WWOX: variants seen among roughly 807,000 people sequenced by gnomAD.
The protein encoded by WWOX is WW domain-containing oxidoreductase.
WWOX carries 69 observed loss-of-function variants against 46.2 expected under a neutral mutation model. The ratio of observed to expected loss-of-function variants is 1.49; its 90% CI spans 1.23 to 1.82. The LOEUF (loss-of-function observed/expected upper bound fraction) is 1.82. Among genes scored for constraint, WWOX ranks in the 40% most tolerant of loss-of-function variants. WWOX has a pLI of 0.00. For missense variants in WWOX, 919 were observed against 542.6 expected (o/e 1.69, Z -6.89); for synonymous variants, 359 against 202.6 (o/e 1.77, Z -6.56).
intron 8 of WWOX, among the ~76,000 whole-genome samples, chr16:78,848,543 G>T (rs13335801): frequency 6.6e-6 from 1 of 151,944 alleles, no homozygotes; most frequent in Non-Finnish European, 1.5e-5. Context: ...AGTCCTTTAT[G>T]TGGTGTTGCC....
chr16:78,302,582 A>G (rs369262416), intron 5 of WWOX, among the ~76,000 whole-genome samples: 10 of 152,316 alleles, frequency 6.6e-5, no homozygotes, highest in African/African-American at 2.4e-4. Flanking sequence ...GGTTTCATAT[A>G]AAAATATAGC....
chr16:78,530,392 A>T (rs970077786), intron 8 of WWOX, among the ~76,000 whole-genome samples: 1 of 152,180 alleles, frequency 6.6e-6, no homozygotes, highest in Admixed American at 6.5e-5. Context: ...TGCTGATGAA[A>T]GTGGCTTTCA....
At chr16:78,357,720 C>A (rs1049910780) in intron 5 of WWOX, among the ~76,000 whole-genome samples, 1 of 152,146 alleles carries the variant, frequency 6.6e-6, no homozygotes, top group African/African-American at 2.4e-5. Flanking sequence ...ACATGCCAGG[C>A]ACAGTGCTGG....
chr16:79,005,845 C>T (rs769461636), intron 8 of WWOX, among the ~76,000 whole-genome samples: 1 of 152,142 alleles, frequency 6.6e-6, no homozygotes, highest in Non-Finnish European at 1.5e-5. Context: ...TCCAGAGTGA[C>T]CAGTAGAACA....
At chr16:79,039,705 G>C (rs1199049506) in intron 8 of WWOX, among the ~76,000 whole-genome samples, 1 of 152,182 alleles carries the variant, frequency 6.6e-6, no homozygotes, top group African/African-American at 2.4e-5. Flanking sequence ...AGGAGGAGCA[G>C]GGTGATGCTA....
chr16:78,167,234 G>C (rs905206720), intron 5 of WWOX: 1 of 152,122 alleles, frequency 6.6e-6, no homozygotes, highest in African/African-American at 2.4e-5. Context: ...TCCTGGACCT[G>C]CCCCAATTAG....
chr16:78,958,851 C>G (rs535629725), intron 8 of WWOX, among the ~76,000 whole-genome samples: 27 of 152,120 alleles, frequency 1.8e-4, no homozygotes, highest in Non-Finnish European at 3.4e-4. Flanking sequence ...AAAATTCTTC[C>G]TTTGATTCAA....
At chr16:78,738,547 C>G (rs1354088969) in intron 8 of WWOX, among the ~76,000 whole-genome samples, 1 of 152,042 alleles carries the variant, frequency 6.6e-6, no homozygotes, top group Non-Finnish European at 1.5e-5. Context: ...GTATTTTTCT[C>G]ACTTTTATTA....
intron 8 of WWOX, among the ~76,000 whole-genome samples, chr16:78,664,132 C>G (rs981817488): frequency 1.3e-5 from 2 of 151,988 alleles, no homozygotes; most frequent in African/African-American, 4.8e-5. Context: ...GGGAGGTGAC[C>G]CTGGAGTTAA....
intron 8 of WWOX, among the ~76,000 whole-genome samples, chr16:78,635,345 T>C (rs962709170): frequency 6.6e-6 from 1 of 152,136 alleles, no homozygotes; most frequent in Non-Finnish European, 1.5e-5. Context: ...TGGACTTGGA[T>C]CTAGGCCACT....
At chr16:78,369,338 G>C (rs2081610771) in intron 5 of WWOX, among the ~76,000 whole-genome samples, 1 of 150,842 alleles carries the variant, frequency 6.6e-6, no homozygotes, top group African/African-American at 2.5e-5. Flanking sequence ...TGAAGCAAGA[G>C]AAAAAAACGT....
At chr16:78,406,083 G>T (rs2082524715) in intron 6 of WWOX, among the ~76,000 whole-genome samples, 1 of 151,672 alleles carries the variant, frequency 6.6e-6, no homozygotes, top group Admixed American at 6.6e-5. Flanking sequence ...GCTCATGTTT[G>T]TTCTTTTTAA....
chr16:78,677,485 G>C (rs1404493350), intron 8 of WWOX, among the ~76,000 whole-genome samples: 2 of 152,154 alleles, frequency 1.3e-5, no homozygotes, highest in African/African-American at 2.4e-5. Flanking sequence ...CAAAAACACA[G>C]GTCAAACATC....
chr16:79,169,834 C>G (rs1316359136), intron 8 of WWOX, among the ~76,000 whole-genome samples: 2 of 152,108 alleles, frequency 1.3e-5, no homozygotes, highest in Non-Finnish European at 2.9e-5. Flanking sequence ...TGGGAAAAGT[C>G]TGGTTTGAGA....
intron 6 of WWOX, among the ~76,000 whole-genome samples, chr16:78,416,363 C>T (rs992844418): frequency 4.6e-5 from 7 of 152,168 alleles, no homozygotes; most frequent in East Asian, 1.9e-4. Context: ...AATTAAGTGT[C>T]TTTACAATTA....
intron 8 of WWOX, among the ~76,000 whole-genome samples, chr16:78,930,506 G>C (rs145468936): frequency 7.4e-4 from 108 of 145,984 alleles, no homozygotes; most frequent in African/African-American, 2.7e-3. Context: ...GCCCAGGCTG[G>C]TCTTGAACTC....
intron 8 of WWOX, among the ~76,000 whole-genome samples, chr16:79,191,118 A>G (rs1185962496): frequency 1.3e-5 from 2 of 152,276 alleles, no homozygotes; most frequent in Admixed American, 6.5e-5. Flanking sequence ...CAGTGGCACA[A>G]CCTTGGCTCA....
At chr16:78,716,579 C>T (rs2048567357) in intron 8 of WWOX, among the ~76,000 whole-genome samples, 1 of 152,070 alleles carries the variant, frequency 6.6e-6, no homozygotes, top group African/African-American at 2.4e-5. Context: ...CTTCCCAGCC[C>T]CTGCCAGGCA....
intron 8 of WWOX, among the ~76,000 whole-genome samples, chr16:79,111,066 C>T (rs185395597): frequency 6.6e-6 from 1 of 152,308 alleles, no homozygotes; most frequent in East Asian, 1.9e-4. Flanking sequence ...GTACCCTTAA[C>T]ACCCACAGAG....
Sources: gnomAD v4.1 joint callset for allele counts (sites outside exome capture counted in the v4.1 genomes callset) on GRCh38, gnomAD v4.1.1 for gene constraint, MANE v1.5 for transcripts, NCBI Gene and HGNC (gene_info 2026-07-23, HGNC 2026-07-21) for gene names.